Variants in RBFOX1 observed in about 807,000 individuals in gnomAD.
RBFOX1 encodes the protein RNA binding fox-1 homolog 1.
Under a neutral mutation model 57.7 loss-of-function variants are expected in RBFOX1, and 8 were observed. The observed-to-expected ratio is 0.14, with a 90% CI of 0.08 to 0.25. The LOEUF is 0.25. RBFOX1 is among the 10% of genes least tolerant of loss of function. RBFOX1 has a pLI of 1.00. For synonymous variants in RBFOX1, 326 were observed against 222.4 expected, an observed-to-expected ratio of 1.47 and a Z score of -4.15; for missense variants, 611 against 548.5, an observed-to-expected ratio of 1.11 and a Z score of -1.14.
At chr16:7,166,996 T>TTTTTTTTTTTTG (rs2079679977) in intron 4 of RBFOX1, among the ~76,000 whole-genome samples, 1 of 79,256 alleles carries the variant, frequency 1.3e-5, no homozygotes, top group Non-Finnish European at 2.7e-5. Context: ...TTTTTTTTTT[T>TTTTTTTTTTTTG]TTTTTTTTTT....
intron 3 of RBFOX1, among the ~76,000 whole-genome samples, chr16:5,802,128 C>G (rs1414705151): frequency 1.3e-5 from 2 of 152,088 alleles, no homozygotes; most frequent in Admixed American, 6.5e-5. Flanking sequence ...CTCCTTAAGA[C>G]GTTCCTGGTG....
intron 1 of RBFOX1, among the ~76,000 whole-genome samples, chr16:6,085,316 A>G (rs933369273): frequency 6.6e-6 from 1 of 152,226 alleles, no homozygotes; most frequent in Non-Finnish European, 1.5e-5. Context: ...CTTGTTGCCC[A>G]GGCTGAAGTG....
chr16:6,415,947 G>A (rs1191634083), intron 2 of RBFOX1, among the ~76,000 whole-genome samples: 1 of 152,206 alleles, frequency 6.6e-6, no homozygotes, highest in Non-Finnish European at 1.5e-5. Context: ...ATCAAAATTT[G>A]TTGTTTCCTT....
intron 2 of RBFOX1, among the ~76,000 whole-genome samples, chr16:6,385,292 G>A (rs1177030371): frequency 6.6e-6 from 1 of 152,202 alleles, no homozygotes; most frequent in Non-Finnish European, 1.5e-5. Flanking sequence ...CCTTTGCTAC[G>A]TCCCAGCTGT....
intron 2 of RBFOX1, among the ~76,000 whole-genome samples, chr16:6,536,551 C>T (rs986185935): frequency 1.7e-5 from 2 of 118,960 alleles, no homozygotes; most frequent in Admixed American, 1.8e-4. Flanking sequence ...ATGGGGGGCC[C>T]AGGAGGTTTT....
chr16:7,501,425 C>T (rs1439339246), intron 4 of RBFOX1, among the ~76,000 whole-genome samples: 3 of 152,286 alleles, frequency 2.0e-5, no homozygotes, highest in South Asian at 2.1e-4. Context: ...TTAATCAAAT[C>T]GTGTTTGATC....
At chr16:6,566,205 G>C (rs899461201) in intron 2 of RBFOX1, among the ~76,000 whole-genome samples, 25 of 152,298 alleles carry the variant, frequency 1.6e-4, no homozygotes, top group African/African-American at 6.0e-4. Flanking sequence ...TTTTGAAGGA[G>C]AAACATAATT....
At chr16:7,293,302 T>C (rs935094757) in intron 4 of RBFOX1, among the ~76,000 whole-genome samples, 3 of 152,184 alleles carry the variant, frequency 2.0e-5, no homozygotes, top group Non-Finnish European at 4.4e-5. Flanking sequence ...ATTTAAAGTA[T>C]ACAGGAGGAT....
chr16:7,567,739 C>CTATATATATCCCTATATATAATCCCTA (rs1567870181), intron 5 of RBFOX1, among the ~76,000 whole-genome samples: 2 of 138,630 alleles, frequency 1.4e-5, no homozygotes, highest in Non-Finnish European at 3.1e-5. Context: ...TATATAATCC[C>CTATATATATCCCTATATATAATCCCTA]TATATATATC....
intron 3 of RBFOX1, among the ~76,000 whole-genome samples, chr16:6,862,420 C>G (rs1017304654): frequency 6.6e-6 from 1 of 152,164 alleles, no homozygotes; most frequent in Non-Finnish European, 1.5e-5. Context: ...AAATAAAAAT[C>G]CTTTCATTCG....
At chr16:6,821,641 C>T (rs887619949) in intron 3 of RBFOX1, among the ~76,000 whole-genome samples, 7 of 152,154 alleles carry the variant, frequency 4.6e-5, no homozygotes, top group African/African-American at 9.7e-5. Flanking sequence ...TCGTACAACA[C>T]GTGGCCTTTT....
chr16:6,365,276 A>T (rs2089376746), intron 2 of RBFOX1, among the ~76,000 whole-genome samples: 1 of 151,262 alleles, frequency 6.6e-6, no homozygotes, highest in Non-Finnish European at 1.5e-5. Flanking sequence ...AGGTGGATGG[A>T]TGAGTAGGTG....
intron 2 of RBFOX1, among the ~76,000 whole-genome samples, chr16:6,395,429 G>A (rs899748223): frequency 6.6e-6 from 1 of 151,996 alleles, no homozygotes; most frequent in South Asian, 2.1e-4. Flanking sequence ...CTTTTCAAAT[G>A]TTGTTTTAAT....
chr16:7,077,886 C>G (rs1343711299), intron 4 of RBFOX1, among the ~76,000 whole-genome samples: 2 of 152,156 alleles, frequency 1.3e-5, no homozygotes, highest in Non-Finnish European at 2.9e-5. Flanking sequence ...CCCTTTTAAG[C>G]AACTTGAGAT....
chr16:6,344,428 G>T (rs1379859029), intron 2 of RBFOX1, among the ~76,000 whole-genome samples: 1 of 27,448 alleles, frequency 3.6e-5, no homozygotes. Context: ...TTGAGACAGA[G>T]TCTCTATCGC....
At chr16:6,728,023 C>T (rs553889183) in intron 3 of RBFOX1, among the ~76,000 whole-genome samples, 1 of 152,168 alleles carries the variant, frequency 6.6e-6, no homozygotes, top group African/African-American at 2.4e-5. Context: ...TATTTCCATC[C>T]TCACAGGTTT....
At chr16:5,600,378 C>G (rs763411937), downstream of RBFOX1, among the ~76,000 whole-genome samples, 1 of 148,380 alleles carries the variant, frequency 6.7e-6, no homozygotes, top group East Asian at 2.0e-4. Context: ...CTCAGACACT[C>G]GGGAGGCTGA....
rs115004870 is a variant in RBFOX1 at position 5,766,108 on chromosome 16, T to G, written c.319-101195T>G. On this transcript the variant is annotated intron_variant, in intron 3 of 19. Coordinates refer to the RBFOX1 transcript ENST00000641259. ...CCCGACCAAGGAATACTCAAGGTTTTTGAAACCTTCCAGCATTGAGGCTGA... is the reference window on the plus strand; with the variant it reads ...CCCGACCAAGGAATACTCAAGGTTTGTGAAACCTTCCAGCATTGAGGCTGA... Among the ~76,000 whole-genome samples, 681 of 152,298 alleles carry G rather than the reference T, an allele frequency of 4.5e-3. 9 individuals are homozygous for G. Among genetic ancestry groups the G allele is most frequent in the African/African-American group, 0.016 (651 of 41,564 alleles).
Position 6,196,095 on chromosome 16 carries a change from C to A in RBFOX1, c.-126-120900C>A, listed in dbSNP as rs373256405. 3.3e-5 allele frequency among the ~76,000 whole-genome samples: 5 copies of A among 152,184 alleles called. No individual in the cohort carries two copies. The East Asian group carries it at 5.8e-4, about 18-fold the overall frequency. ...GCTTACTATGGGCCTGGTACTGGGT[C>A]AAGTGCTTTGCATTCATTCTCACTT... On this transcript the variant is annotated intron_variant, in intron 1 of 15. Transcript: ENST00000550418.
Sources: allele counts gnomAD v4.1 joint callset (sites outside exome capture counted in the v4.1 genomes callset), GRCh38; gene constraint gnomAD v4.1.1; transcripts MANE v1.5; gene names NCBI Gene and HGNC (gene_info 2026-07-23, HGNC 2026-07-21).